Variants in EGFLAM observed in about 807,000 individuals in gnomAD.
EGFLAM encodes the protein EGF like, fibronectin type III and laminin G domains.
In EGFLAM, 79 loss-of-function variants were observed where a neutral mutation model predicts 113.1. The observed-to-expected ratio is 0.70, with a 90% CI of 0.58 to 0.84. The LOEUF (loss-of-function observed/expected upper bound fraction) is 0.84, where lower values mean the gene tolerates loss of function less well. Ranked by LOEUF, EGFLAM falls within the 40% of genes least tolerant of loss-of-function variation. EGFLAM has a pLI of 0.00. For missense variants in EGFLAM, 1,265 were observed against 1,291.6 expected (o/e 0.98, Z 0.32); for synonymous variants, 504 against 487.6 (o/e 1.03, Z -0.44).
intron 19 of EGFLAM, among the ~76,000 whole-genome samples, chr5:38,455,601 T>C (rs1743060843): frequency 6.6e-6 from 1 of 152,112 alleles, no homozygotes. Flanking sequence ...ACGAGGGAGC[T>C]TTTCCAGGGT....
intron 6 of EGFLAM, 142 bp downstream of exon 6, chr5:38,370,604 G>A: frequency 8.9e-7 from 1 of 1,124,536 alleles, no homozygotes. Context: ...GGTTTTCCCA[G>A]CCCTTTGGAA....
At chr5:38,305,094 A>T (rs915682863) in intron 1 of EGFLAM, among the ~76,000 whole-genome samples, 7 of 152,186 alleles carry the variant, frequency 4.6e-5, no homozygotes, top group East Asian at 1.9e-4. Context: ...AACTGTACAA[A>T]TAACAGGCAT....
At chr5:38,456,887 T>C (rs1743104840) in intron 19 of EGFLAM, among the ~76,000 whole-genome samples, 1 of 152,224 alleles carries the variant, frequency 6.6e-6, no homozygotes, top group African/African-American at 2.4e-5. Flanking sequence ...GGCTTTATTG[T>C]ATTATCCAGG....
intron 6 of EGFLAM, chr5:38,403,626 A>G (rs1456485233): frequency 6.2e-6 from 4 of 644,792 alleles, no homozygotes; most frequent in Non-Finnish European, 9.8e-6. Context: ...TATCCCAGGC[A>G]GGATGGAGCA....
rs1488894975 is a variant in EGFLAM at position 38,315,874 on chromosome 5, G to A, written c.98-21646G>A. ...GTGGACCACCTGAGGTCAGGAGTTC[G>A]AGACCAGCCTGTCCAACATGGTGAA... On this transcript the variant is annotated intron_variant, in intron 1 of 21. Transcript: ENST00000322350. 4.6e-5 allele frequency among the ~76,000 whole-genome samples: 7 copies of A among 151,994 alleles called. No individual in the cohort carries two copies. In the South Asian group the frequency reaches 6.2e-4, roughly 14 times the overall value.
rs1344162862 is a variant in EGFLAM at position 38,338,766 on chromosome 5, G to C, written c.276G>C (p.Arg92=). ...QEQLHSVPLS[R]DIPTTEEVIG... ...AGTTGCACAGCGTGCCTCTCAGCCG[G>C]GACATCCCGACCACGGTGAGTCTTT... The change falls in exon 3 of 22, where the codon CGG becomes CGC. Residue 92 remains arginine, a synonymous_variant. Transcript: ENST00000322350. 6.2e-7 allele frequency: 1 copy of C among 1,614,196 alleles called. No individual in the cohort carries two copies. The highest frequency in any genetic ancestry group is 1.7e-5 in the Admixed American group (1 of 60,022).
chr5:38,428,755 TTC>T (rs951791167), intron 14 of EGFLAM, among the ~76,000 whole-genome samples: 2 of 152,228 alleles, frequency 1.3e-5, no homozygotes, highest in African/African-American at 4.8e-5. Context: ...AGTCCAGCAT[TTC>T]TCTCTTTCAT....
intron 1 of EGFLAM, among the ~76,000 whole-genome samples, chr5:38,336,853 T>A (rs1002176943): frequency 3.9e-5 from 6 of 152,198 alleles, no homozygotes; most frequent in East Asian, 1.9e-4. Flanking sequence ...CACTTTTTTT[T>A]AAATTGCATG....
chr5:38,352,476 G>A (rs544606362), intron 5 of EGFLAM, 145 bp downstream of exon 5: 15 of 1,071,096 alleles, frequency 1.4e-5, no homozygotes, highest in East Asian at 5.6e-5. Context: ...GTGAAACCCC[G>A]TCTCTACTAA....
chr5:38,460,046 A>T (rs533737155), intron 20 of EGFLAM, among the ~76,000 whole-genome samples: 2 of 152,352 alleles, frequency 1.3e-5, no homozygotes, highest in African/African-American at 4.8e-5. Flanking sequence ...TCCAAACTCT[A>T]TGGCTTCTAA....
At chr5:38,386,627 C>T (rs1740669498) in intron 6 of EGFLAM, among the ~76,000 whole-genome samples, 1 of 152,242 alleles carries the variant, frequency 6.6e-6, no homozygotes, top group African/African-American at 2.4e-5. Context: ...CTGCCTCAGC[C>T]TCCCAAGTAG....
At chr5:38,335,272 G>T (rs569206482) in intron 1 of EGFLAM, among the ~76,000 whole-genome samples, 5 of 152,258 alleles carry the variant, frequency 3.3e-5, no homozygotes, top group East Asian at 3.9e-4. Context: ...GTGCAAAAAG[G>T]CACAGATATA....
chr5:38,375,538 T>A (rs1740344195), intron 6 of EGFLAM, among the ~76,000 whole-genome samples: 1 of 152,250 alleles, frequency 6.6e-6, no homozygotes, highest in Non-Finnish European at 1.5e-5. Context: ...CTCTGTGGCC[T>A]GTTTATCTTA....
rs1366775784 is a variant in EGFLAM at position 38,464,041 on chromosome 5, C to T, written c.*55C>T. On this transcript the variant is annotated 3_prime_UTR_variant, in exon 22 of 22. Coordinates refer to ENST00000322350, the MANE Select transcript of EGFLAM (RefSeq NM_152403.4). ...CCTTCTATTCTGAGAATCCCAGGGGCCCTCAGACCCTGCCTGATGCTATAT... is the reference window on the plus strand; with the variant it reads ...CCTTCTATTCTGAGAATCCCAGGGGTCCTCAGACCCTGCCTGATGCTATAT... 2.7e-5 allele frequency: 43 copies of T among 1,606,962 alleles called. No homozygotes were observed. In the East Asian group the frequency reaches 8.5e-4, roughly 32 times the overall value.
chr5:38,290,444 T>C lies in EGFLAM; in HGVS notation c.97+31593T>C, dbSNP rs148796935. 3.0e-3 allele frequency among the ~76,000 whole-genome samples: 458 copies of C among 152,252 alleles called. 1 individual carries two copies. Among genetic ancestry groups the C allele is most frequent in the African/African-American group, 0.01 (425 of 41,550 alleles). The stretch of plus-strand genomic sequence containing the variant: ...CTGTGCCGATAACCCCGACAGGATA[T>C]GAGCATTGACAGCACATGTTACAGA... On this transcript the variant is annotated intron_variant, in intron 1 of 21. Coordinates refer to ENST00000322350, the MANE Select transcript of EGFLAM (RefSeq NM_152403.4).
In EGFLAM at chr5:38,451,464, C is replaced by T. The variant is rs1168332019; in HGVS notation, c.2687+6C>T. 6.2e-7 allele frequency: 1 copy of T among 1,613,460 alleles called. No homozygotes were observed. The highest frequency in any genetic ancestry group is 1.1e-5 in the South Asian group (1 of 90,980). On this transcript the variant is annotated splice_donor_region_variant and intron_variant, in intron 19 of 21. Transcript: ENST00000322350. ...GATGGAGCCCTCGTGTTCAGGTAAC[C>T]CCCTCTCCATCTGCCTTCAGCAGCA... is the stretch of plus-strand genomic sequence containing the variant.
At chr5:38,309,131 C>A (rs901593065) in intron 1 of EGFLAM, among the ~76,000 whole-genome samples, 1 of 152,202 alleles carries the variant, frequency 6.6e-6, no homozygotes, top group Non-Finnish European at 1.5e-5. Context: ...AATTATTTTA[C>A]TACATTTTTG....
chr5:38,429,067 C>T (rs1454397155), intron 14 of EGFLAM, among the ~76,000 whole-genome samples: 1 of 152,162 alleles, frequency 6.6e-6, no homozygotes. Flanking sequence ...GCAGTGAAAA[C>T]TCAAACTACA....
At chr5:38,354,336 TGTAAAACTTGGG>T (rs1739707226) in intron 5 of EGFLAM, among the ~76,000 whole-genome samples, 1 of 152,210 alleles carries the variant, frequency 6.6e-6, no homozygotes, top group South Asian at 2.1e-4. Context: ...CTTTCTCATC[TGTAAAACTTGGG>T]GCAAAACTTA....
Sources: gnomAD v4.1 joint callset for allele counts (sites outside exome capture counted in the v4.1 genomes callset) on GRCh38, gnomAD v4.1.1 for gene constraint, MANE v1.5 for transcripts, NCBI Gene and HGNC (gene_info 2026-07-23, HGNC 2026-07-21) for gene names.